Variants in NBEA observed in about 807,000 individuals in gnomAD.
NBEA encodes lysosomal-trafficking regulator 2.
NBEA carries 44 observed loss-of-function variants against 343.4 expected under a neutral mutation model. The ratio of observed to expected loss-of-function variants is 0.13; its 90% confidence interval spans 0.10 to 0.16. The LOEUF (loss-of-function observed/expected upper bound fraction) is 0.16. NBEA is among the 10% of genes least tolerant of loss of function. NBEA has a pLI of 1.00. For missense variants in NBEA, 2,555 were observed against 3,631.3 expected (o/e 0.70, Z 7.62); for synonymous variants, 1,175 against 1,238.7 (o/e 0.95, Z 1.08).
rs867916577 is a variant in NBEA at position 35,647,575 on chromosome 13, T to C, written c.7770+1227T>C. ...TGGGAAACACATAAATGCTTTTTGT[T>C]GTTGTTGTTTTGAGACAGAATCTCA... On this transcript the variant is annotated intron_variant, in intron 51 of 58. Coordinates refer to ENST00000379939, the MANE Select transcript of NBEA (RefSeq NM_001385012.1). 2.6e-5 allele frequency among the ~76,000 whole-genome samples: 4 copies of C among 152,242 alleles called. No individual in the cohort carries two copies. The Middle Eastern group carries it at 0.01, about 388-fold the overall frequency.
intron 33 of NBEA, among the ~76,000 whole-genome samples, chr13:35,216,378 T>G (rs1196725841): frequency 6.6e-6 from 1 of 151,984 alleles, no homozygotes; most frequent in Non-Finnish European, 1.5e-5. Flanking sequence ...ATCACTGCTG[T>G]CACATTACTG....
intron 10 of NBEA, among the ~76,000 whole-genome samples, chr13:35,094,794 G>T (rs189840003): frequency 4.7e-4 from 72 of 151,726 alleles, no homozygotes; most frequent in African/African-American, 1.7e-3. Context: ...CCTAAATTAG[G>T]CTTAAGAGAT....
Position 35,548,246 on chromosome 13 carries a change from T to C in NBEA, c.6586-2231T>C, listed in dbSNP as rs146260452. Among the ~76,000 whole-genome samples, 310 of 152,272 alleles carry C rather than the reference T, an allele frequency of 2.0e-3. 1 individual carries two copies. Among genetic ancestry groups the C allele is most frequent in the African/African-American group, 7.0e-3 (290 of 41,554 alleles). On this transcript the variant is annotated intron_variant, in intron 41 of 58. Coordinates refer to ENST00000379939, the MANE Select transcript of NBEA (RefSeq NM_001385012.1). ...CACATGGAAGGCCATAAATGAATAA[T>C]TGGCACAGTTTATAAAATACAGTTT...
intron 5 of NBEA, 138 bp downstream of exon 5, chr13:35,048,822 A>G (rs550356811): frequency 4.1e-6 from 2 of 492,378 alleles, no homozygotes; most frequent in South Asian, 5.1e-5. Context: ...GACACTGTAA[A>G]TCAGTTTTAT....
At chr13:35,216,766 T>G (rs1192619963) in intron 33 of NBEA, among the ~76,000 whole-genome samples, 1 of 151,986 alleles carries the variant, frequency 6.6e-6, no homozygotes, top group Non-Finnish European at 1.5e-5. Context: ...CTCAGTCATA[T>G]TCTATGGTAC....
At chr13:35,475,487 A>C (rs1197303376) in intron 41 of NBEA, 1 of 1,612,384 alleles carries the variant, frequency 6.2e-7, no homozygotes, top group Non-Finnish European at 8.5e-7. Context: ...TTGCCGGCCA[A>C]GGAGTGGCAC....
At position 35,497,505 on chromosome 13, in the gene NBEA, A is replaced by T. The variant is rs1415388099; in HGVS notation, c.6585+24969A>T. 2.6e-5 allele frequency among the ~76,000 whole-genome samples: 4 copies of T among 152,054 alleles called. No individual in the cohort carries two copies. In the South Asian group the frequency reaches 8.3e-4, roughly 31 times the overall value. Reference sequence around the variant, plus strand: ...TATTATTCTTCCAGTAAACTACCTGATATCTATAGAGTGCTGAAGAAGTTA... The same window carrying T: ...TATTATTCTTCCAGTAAACTACCTGTTATCTATAGAGTGCTGAAGAAGTTA... On this transcript the variant is annotated intron_variant, in intron 41 of 58. Coordinates refer to ENST00000379939, the MANE Select transcript of NBEA (RefSeq NM_001385012.1).
At chr13:35,178,682 A>T (rs927798360) in intron 28 of NBEA, among the ~76,000 whole-genome samples, 3 of 151,524 alleles carry the variant, frequency 2.0e-5, no homozygotes, top group African/African-American at 7.2e-5. Flanking sequence ...GTAGTTTTAA[A>T]TTTTTTATAA....
At chr13:35,017,275 A>G (rs899823401) in intron 1 of NBEA, among the ~76,000 whole-genome samples, 12 of 152,210 alleles carry the variant, frequency 7.9e-5, no homozygotes, top group Admixed American at 2.6e-4. Flanking sequence ...CCATCTGTAC[A>G]CTATTTTTAG....
intron 38 of NBEA, among the ~76,000 whole-genome samples, chr13:35,357,869 A>G (rs1020064540): frequency 2.0e-5 from 3 of 152,170 alleles, no homozygotes; most frequent in Non-Finnish European, 2.9e-5. Flanking sequence ...GTCAGACACA[A>G]TAGATATCCA....
At chr13:35,614,892 C>A (rs962117624) in intron 48 of NBEA, among the ~76,000 whole-genome samples, 4 of 151,998 alleles carry the variant, frequency 2.6e-5, no homozygotes, top group Admixed American at 1.3e-4. Flanking sequence ...TAGTGATAGT[C>A]CTGAGTCATC....
chr13:35,279,609 A>G (rs1463749547), intron 34 of NBEA, among the ~76,000 whole-genome samples: 1 of 152,200 alleles, frequency 6.6e-6, no homozygotes, highest in Non-Finnish European at 1.5e-5. Flanking sequence ...ACAATGAATT[A>G]GAAAGTATAC....
At chr13:35,447,332 C>A (rs1030618264) in intron 39 of NBEA, among the ~76,000 whole-genome samples, 1 of 151,984 alleles carries the variant, frequency 6.6e-6, no homozygotes, top group Non-Finnish European at 1.5e-5. Context: ...AATATAGTAA[C>A]AATACTAGAA....
At chr13:35,380,809 G>A (rs1218901166) in intron 38 of NBEA, among the ~76,000 whole-genome samples, 4 of 152,084 alleles carry the variant, frequency 2.6e-5, no homozygotes, top group Non-Finnish European at 5.9e-5. Flanking sequence ...CCAGTACACT[G>A]CAGTATGATA....
At chr13:35,419,518 C>A (rs1389862915) in intron 38 of NBEA, among the ~76,000 whole-genome samples, 1 of 151,994 alleles carries the variant, frequency 6.6e-6, no homozygotes. Flanking sequence ...GACAGTGTTT[C>A]TGAACATTTC....
At chr13:35,282,791 A>AT (rs2035142570) in intron 34 of NBEA, among the ~76,000 whole-genome samples, 1 of 152,132 alleles carries the variant, frequency 6.6e-6, no homozygotes, top group South Asian at 2.1e-4. Flanking sequence ...TCAGTACCAT[A>AT]TTCTTTAGAC....
chr13:35,214,817 T>G (rs529276897), intron 33 of NBEA, among the ~76,000 whole-genome samples: 82 of 151,918 alleles, frequency 5.4e-4, no homozygotes, highest in Admixed American at 2.0e-3. Flanking sequence ...AAATAAAAGT[T>G]TTGTAGTTTT....
At chr13:35,382,122 A>G (rs1336319777) in intron 38 of NBEA, among the ~76,000 whole-genome samples, 2 of 152,118 alleles carry the variant, frequency 1.3e-5, no homozygotes, top group East Asian at 3.8e-4. Context: ...GAGGGGAAAC[A>G]TCTTATATAG....
intron 1 of NBEA, among the ~76,000 whole-genome samples, chr13:34,990,168 A>T (rs1209420370): frequency 1.3e-5 from 2 of 150,878 alleles, no homozygotes; most frequent in Non-Finnish European, 3.0e-5. Flanking sequence ...TGGGTCTACC[A>T]TTCTGAGTTC....
Sources: allele counts gnomAD v4.1 joint callset (sites outside exome capture counted in the v4.1 genomes callset), GRCh38; gene constraint gnomAD v4.1.1; transcripts MANE v1.5; gene names NCBI Gene and HGNC (gene_info 2026-07-23, HGNC 2026-07-21).